MINDY2: variants seen among roughly 807,000 people sequenced by gnomAD.
MINDY2 encodes the protein ubiquitin carboxyl-terminal hydrolase MINDY-2.
In MINDY2, 52 loss-of-function variants were observed where a neutral mutation model predicts 68.2. The ratio of observed to expected loss-of-function variants is 0.76; its 90% CI spans 0.61 to 0.96. The LOEUF (loss-of-function observed/expected upper bound fraction) is 0.96. Among genes scored for constraint, MINDY2 ranks in the 40% least tolerant of loss-of-function variants. The probability of loss-of-function intolerance (pLI) is 0.00; values close to 1 mark genes in which losing one functional copy is unlikely to be tolerated. For missense variants in MINDY2, 881 were observed against 773.4 expected, an observed-to-expected ratio of 1.14 and a Z score of -1.65; for synonymous variants, 372 against 303.0, an observed-to-expected ratio of 1.23 and a Z score of -2.36.
At chr15:58,847,213 C>A in intron 6 of MINDY2, 84 bp from the exon 7 acceptor site, 1 of 1,058,730 alleles carries the variant, frequency 9.4e-7, no homozygotes, top group Non-Finnish European at 1.3e-6. Context: ...TCTGAAGATA[C>A]AGATTGTAAA....
intron 3 of MINDY2, among the ~76,000 whole-genome samples, chr15:58,808,552 T>A (rs1394976628): frequency 6.6e-6 from 1 of 151,964 alleles, no homozygotes; most frequent in African/African-American, 2.4e-5. Context: ...CTCATCTCTA[T>A]TTTTTTTAAT....
chr15:58,788,749 C>G (rs1420169383), intron 2 of MINDY2, among the ~76,000 whole-genome samples: 1 of 152,212 alleles, frequency 6.6e-6, no homozygotes, highest in African/African-American at 2.4e-5. Flanking sequence ...GTGGCTCACG[C>G]CTGTAATCCC....
chr15:58,806,653 A>C (rs1051565349), intron 3 of MINDY2, among the ~76,000 whole-genome samples: 2 of 152,172 alleles, frequency 1.3e-5, no homozygotes, highest in Admixed American at 6.6e-5. Context: ...AGCCATTAGA[A>C]ATCATATTGC....
chr15:58,779,160 G>C (rs907694581), intron 1 of MINDY2, among the ~76,000 whole-genome samples: 2 of 151,978 alleles, frequency 1.3e-5, no homozygotes, highest in East Asian at 3.9e-4. Context: ...CTCCCAGAGT[G>C]CTGGGATTAC....
In MINDY2 at chr15:58,772,055, G is replaced by A. The variant is rs754616116; in HGVS notation, c.660G>A (p.Glu220=). ...VLPGAVPLCK[E]EEGEETAQVL... ...CCGGGGCTGTTCCTCTGTGCAAGGAGGAGGAGGGGGAGGAGACCGCTCAGG... is the reference window on the plus strand; with the variant it reads ...CCGGGGCTGTTCCTCTGTGCAAGGAAGAGGAGGGGGAGGAGACCGCTCAGG... Residue 220 remains glutamate (E), a synonymous_variant, in exon 1 of 9, where the codon GAG becomes GAA. Coordinates refer to ENST00000559228, the MANE Select transcript of MINDY2 (RefSeq NM_001040450.3). 1 of 1,610,388 alleles carries A rather than the reference G, an allele frequency of 6.2e-7. No individual in the cohort carries two copies. The highest frequency in any genetic ancestry group is 1.1e-5 in the South Asian group (1 of 90,626).
chr15:58,835,001 C>G (rs1362986246), intron 6 of MINDY2, among the ~76,000 whole-genome samples: 1 of 152,112 alleles, frequency 6.6e-6, no homozygotes, highest in Non-Finnish European at 1.5e-5. Context: ...ATGGTGAATA[C>G]TGCTAAATCA....
In MINDY2 at chr15:58,785,152, A is replaced by G. The variant is rs575257543; in HGVS notation, c.841-2754A>G. On this transcript the variant is annotated intron_variant, in intron 1 of 8. Coordinates refer to ENST00000559228, the MANE Select transcript of MINDY2 (RefSeq NM_001040450.3). ...AAGGAAAGCAAAAAAAAAAAAAAAA[A>G]AAAAAAGAAAAGCAAGCTTTTGGGA... 7.1e-3 allele frequency among the ~76,000 whole-genome samples: 891 copies of G among 124,672 alleles called. 2 individuals carry two copies. Among genetic ancestry groups the G allele is most frequent in the Middle Eastern group, 0.028 (7 of 252 alleles). 81.8% of individuals were successfully genotyped at this position (124,672 alleles called of 152,430 possible). A position where few individuals can be genotyped will look rare whatever the true frequency, so the allele number is the denominator to read the frequency against.
At chr15:58,811,888 T>A (rs550727139) in intron 4 of MINDY2, among the ~76,000 whole-genome samples, 4 of 152,354 alleles carry the variant, frequency 2.6e-5, no homozygotes, top group African/African-American at 9.6e-5. Flanking sequence ...TCTTTTCCAC[T>A]GATCTGTGTT....
chr15:58,776,738 T>C (rs749623291), intron 1 of MINDY2, among the ~76,000 whole-genome samples: 3 of 151,802 alleles, frequency 2.0e-5, no homozygotes, highest in Non-Finnish European at 4.4e-5. Flanking sequence ...GATAGAGAGG[T>C]AGGCCGTGTG....
chr15:58,852,415 T>A (rs2041544734), intron 8 of MINDY2, among the ~76,000 whole-genome samples: 1 of 152,162 alleles, frequency 6.6e-6, no homozygotes, highest in South Asian at 2.1e-4. Flanking sequence ...GACGTTGTCC[T>A]AAGCTTGTAT....
At chr15:58,802,452 A>G (rs1177396090) in intron 3 of MINDY2, 75 bp downstream of exon 3, 7 of 947,642 alleles carry the variant, frequency 7.4e-6, no homozygotes, top group African/African-American at 1.7e-5. Flanking sequence ...AGTAGCTGGC[A>G]GCATTTTTCT....
intron 4 of MINDY2, among the ~76,000 whole-genome samples, chr15:58,816,218 G>A (rs771143612): frequency 6.6e-6 from 1 of 152,102 alleles, no homozygotes; most frequent in Non-Finnish European, 1.5e-5. Context: ...TGGGATTCAG[G>A]AGAATGGAAG....
rs1353543310 is a variant in MINDY2, at chr15:58,771,394, G to A, written c.-2G>A. 7.5e-6 allele frequency: 12 copies of A among 1,605,662 alleles called. No homozygotes were observed. The highest frequency in any genetic ancestry group is 1.8e-4 in the Middle Eastern group (1 of 5,690). On this transcript the variant is annotated 5_prime_UTR_variant, in exon 1 of 9. Transcript: ENST00000559228. ...CATAGAGCTGGGGGCGGGCGGCCCGGTATGGAGAGCAGCCCCGAGAGCCTG... is the reference window on the plus strand; with the variant it reads ...CATAGAGCTGGGGGCGGGCGGCCCGATATGGAGAGCAGCCCCGAGAGCCTG...
rs753172039 is a variant in MINDY2, at chr15:58,810,259, CA to C, written c.996del (p.Lys332AsnfsTer8). ...NMSDAMAILH[K>X]LQTGLDVNVR... ...TGAGTGATGCCATGGCAATTTTGCA[CA>C]AACTACAGACAGGCCTGGATGTAAA... is the stretch of plus-strand genomic sequence containing the variant. On this transcript the variant is annotated frameshift_variant, in exon 4 of 9. Transcript: ENST00000559228. LOFTEE classifies it high-confidence loss of function. 6.2e-7 allele frequency: 1 copy of C among 1,610,802 alleles called. No individual in the cohort carries two copies. The highest frequency in any genetic ancestry group is 1.1e-5 in the South Asian group (1 of 89,898).
intron 1 of MINDY2, among the ~76,000 whole-genome samples, chr15:58,778,809 T>G (rs1451026249): frequency 7.8e-6 from 1 of 128,182 alleles, no homozygotes; most frequent in Non-Finnish European, 1.5e-5. Flanking sequence ...TTTCTTTTTT[T>G]CTTTTTTTTT....
chr15:58,793,158 A>T (rs1902052050), intron 2 of MINDY2, among the ~76,000 whole-genome samples: 1 of 152,158 alleles, frequency 6.6e-6, no homozygotes, highest in South Asian at 2.1e-4. Context: ...AATGTTCTAA[A>T]ATTAGATCAT....
rs772814275 is a variant in MINDY2, at chr15:58,855,507, T to C, written c.*897T>C. Reference sequence around the variant, plus strand: ...CCTTTTTCTAGAACTACCTTGAACCTTAAATTTTAAGTCATGTTCATTGCT... The same window carrying C: ...CCTTTTTCTAGAACTACCTTGAACCCTAAATTTTAAGTCATGTTCATTGCT... On this transcript the variant is annotated 3_prime_UTR_variant, in exon 9 of 9. Transcript: ENST00000559228. 6.5e-6 allele frequency: 1 copy of C among 152,680 alleles called. No homozygotes were observed. Among genetic ancestry groups the C allele is most frequent in the Non-Finnish European group, 1.5e-5 (1 of 68,044 alleles). 9.5% of individuals were successfully genotyped at this position (152,680 alleles called of 1,614,324 possible). A position where few individuals can be genotyped will look rare whatever the true frequency, so the allele number is the denominator to read the frequency against.
At chr15:58,806,023 G>GAGATCACGCCACTGCACTCC (rs1902981837) in intron 3 of MINDY2, among the ~76,000 whole-genome samples, 1 of 152,222 alleles carries the variant, frequency 6.6e-6, no homozygotes, top group Non-Finnish European at 1.5e-5. Context: ...GCAGTGAGCC[G>GAGATCACGCCACTGCACTCC]AGATCACGCC....
intron 6 of MINDY2, among the ~76,000 whole-genome samples, chr15:58,845,029 C>A (rs997393978): frequency 6.6e-6 from 1 of 150,618 alleles, no homozygotes; most frequent in South Asian, 2.1e-4. Flanking sequence ...ATAAGGAGCT[C>A]AAACAGCTCT....
Sources: allele counts gnomAD v4.1 joint callset (sites outside exome capture counted in the v4.1 genomes callset), GRCh38; gene constraint gnomAD v4.1.1; transcripts MANE v1.5; gene names NCBI Gene and HGNC (gene_info 2026-07-23, HGNC 2026-07-21).